Variants in SLC12A1 observed in about 807,000 individuals in gnomAD.
SLC12A1 encodes the protein Na-K-2Cl cotransporter.
Under a neutral mutation model 130.4 loss-of-function variants are expected in SLC12A1, and 89 were observed. That is an observed-to-expected ratio of 0.68 (90% CI 0.58 to 0.81). The LOEUF (loss-of-function observed/expected upper bound fraction) is 0.81. Among genes scored for constraint, SLC12A1 ranks in the 40% least tolerant of loss-of-function variants. The pLI is 0.00. For synonymous variants in SLC12A1, 499 were observed against 460.0 expected (o/e 1.08, Z -1.09); for missense variants, 1,310 against 1,336.4 (o/e 0.98, Z 0.31).
intron 24 of SLC12A1, among the ~76,000 whole-genome samples, chr15:48,292,569 G>T (rs2042132817): frequency 6.6e-6 from 1 of 152,164 alleles, no homozygotes; most frequent in African/African-American, 2.4e-5. Flanking sequence ...TGGACTGGGT[G>T]GATTAAACAA....
intron 26 of SLC12A1, 65 bp from the exon 27 acceptor site, chr15:48,302,685 C>A: frequency 1.1e-4 from 74 of 663,182 alleles, no homozygotes; most frequent in Non-Finnish European, 1.6e-4. Flanking sequence ...CTCAGAAATA[C>A]TAGTGCCGTT....
chr15:48,301,511 G>GGGGGGGGGGGA, intron 26 of SLC12A1, 129 bp downstream of exon 26: 1 of 478,136 alleles, frequency 2.1e-6, no homozygotes, highest in East Asian at 5.5e-5. Flanking sequence ...TTGGGGGGGG[G>GGGGGGGGGGGA]AACACGTGGG....
Position 48,262,517 on chromosome 15 carries a change from G to T in SLC12A1, c.2154+3206G>T, listed in dbSNP as rs149485844. 4.9e-3 allele frequency among the ~76,000 whole-genome samples: 740 copies of T among 152,192 alleles called. 8 individuals carry two copies. Among genetic ancestry groups the T allele is most frequent in the Middle Eastern group, 0.044 (13 of 294 alleles). The stretch of plus-strand genomic sequence containing the variant: ...CCCGCTGTGGCCTTCCAACTATCCA[G>T]CTAACTCTTAACACTCTCCGCAGGC... On this transcript the variant is annotated intron_variant, in intron 17 of 26. Coordinates refer to ENST00000380993, the MANE Select transcript of SLC12A1 (RefSeq NM_000338.3).
In SLC12A1 at chr15:48,285,192, C is replaced by T. The variant is rs750424494; in HGVS notation, c.2572C>T (p.Arg858Ter). The T allele has an allele frequency of 6.2e-6, 10 of 1,613,566 alleles. No individual in the cohort carries two copies. Among genetic ancestry groups the T allele is most frequent in the South Asian group, 2.2e-5 (2 of 91,060 alleles). The stretch of plus-strand genomic sequence containing the variant: ...GTGTGAAGAGGAAAGTGGAGGCATC[C>T]GAGGCTTGTTTAAAAAAGCTGGCAA... ...NECEEESGGIRGLFKKAGKLN... is the reference protein window; with the variant it reads ...NECEEESGGI Residue 858 changes from arginine (R) to a stop codon, truncating the protein, a stop_gained, in exon 21 of 27, where the codon CGA (arginine) becomes TGA (stop). Transcript: ENST00000380993. LOFTEE classifies it high-confidence loss of function.
At chr15:48,289,530 A>G (rs1473493684) in intron 23 of SLC12A1, among the ~76,000 whole-genome samples, 2 of 151,386 alleles carry the variant, frequency 1.3e-5, no homozygotes, top group African/African-American at 4.9e-5. Flanking sequence ...TTACATTCTG[A>G]GAAATGTATC....
chr15:48,228,315 T>TTTTTTC (rs1195248529), intron 5 of SLC12A1: 1 of 152,774 alleles, frequency 6.5e-6, no homozygotes, highest in Non-Finnish European at 1.5e-5. Flanking sequence ...AAGGGAGAAG[T>TTTTTTC]AATTGTTCCA....
chr15:48,250,674 C>CACACACACACACACACACACACACA lies in SLC12A1; in HGVS notation c.1787-941_1787-940insACACACACACACACACACACACACA, dbSNP rs1555383559. 4.3e-3 allele frequency among the ~76,000 whole-genome samples: 243 copies of CACACACACACACACACACACACACA among 56,142 alleles called. 3 individuals carry two copies. The highest frequency in any genetic ancestry group is 0.017 in the South Asian group (29 of 1,688). The allele number at this position is 56,142 out of a possible 152,430, so 36.8% of individuals were successfully genotyped here. On this transcript the variant is annotated intron_variant, in intron 14 of 26. Transcript: ENST00000380993. ...GATACACAAACCCAGAAAATGTCTG[C>CACACACACACACACACACACACACA]CTCACACACACACACACACACACAC...
chr15:48,290,592 C>T (rs2042108847), intron 23 of SLC12A1, among the ~76,000 whole-genome samples: 1 of 152,148 alleles, frequency 6.6e-6, no homozygotes, highest in Non-Finnish European at 1.5e-5. Context: ...ACAGCTACGA[C>T]ATCACTAGGT....
chr15:48,290,730 A>G (rs564183283), intron 23 of SLC12A1, among the ~76,000 whole-genome samples: 10 of 151,052 alleles, frequency 6.6e-5, no homozygotes, highest in Non-Finnish European at 1.5e-4. Context: ...ATATATGCAT[A>G]TATGTCTTTT....
intron 16 of SLC12A1, among the ~76,000 whole-genome samples, chr15:48,258,836 A>G (rs1439328141): frequency 6.6e-6 from 1 of 152,196 alleles, no homozygotes; most frequent in African/African-American, 2.4e-5. Flanking sequence ...GTGAATGAGA[A>G]CAGCATGGGA....
intron 23 of SLC12A1, among the ~76,000 whole-genome samples, 155 bp downstream of exon 23, chr15:48,288,671 A>G (rs1372552325): frequency 6.6e-6 from 1 of 152,176 alleles, no homozygotes; most frequent in Non-Finnish European, 1.5e-5. Flanking sequence ...TGGTCAGTAA[A>G]TTATTCGCAT....
At chr15:48,221,577 T>G (rs2041216883) in intron 4 of SLC12A1, 1 of 440,444 alleles carries the variant, frequency 2.3e-6, no homozygotes. Context: ...ACTGTTATTT[T>G]TTTCTAAATG....
intron 9 of SLC12A1, among the ~76,000 whole-genome samples, chr15:48,239,264 C>G (rs902791449): frequency 6.6e-6 from 1 of 152,098 alleles, no homozygotes; most frequent in Non-Finnish European, 1.5e-5. Flanking sequence ...ATAATCGCAG[C>G]ACTTTGGGAG....
chr15:48,214,485 A>G (rs1421030788), intron 2 of SLC12A1, among the ~76,000 whole-genome samples: 1 of 152,222 alleles, frequency 6.6e-6, no homozygotes, highest in African/African-American at 2.4e-5. Flanking sequence ...GTTTTCAGCT[A>G]TAGTAAATGC....
intron 18 of SLC12A1, 39 bp from the exon 19 acceptor site, chr15:48,269,619 A>T (rs2041870457): frequency 2.8e-6 from 3 of 1,067,770 alleles, no homozygotes; most frequent in Non-Finnish European, 4.4e-6. Context: ...GTTTCCCAGT[A>T]CGGTAAGGAT....
intron 16 of SLC12A1, among the ~76,000 whole-genome samples, chr15:48,256,825 C>G (rs1025252368): frequency 2.1e-5 from 3 of 140,346 alleles, no homozygotes; most frequent in African/African-American, 7.8e-5. Flanking sequence ...ATCCCTGGCC[C>G]CCCCCCCCAA....
intron 24 of SLC12A1, among the ~76,000 whole-genome samples, chr15:48,298,166 T>C (rs2042197442): frequency 6.6e-6 from 1 of 152,196 alleles, no homozygotes; most frequent in South Asian, 2.1e-4. Context: ...ACTTCTTGAC[T>C]TAACAGCATA....
At position 48,267,635 on chromosome 15, in the gene SLC12A1, A is replaced by G. The variant is rs770626291; in HGVS notation, c.2229A>G (p.Lys743=). The G allele has an allele frequency of 5.6e-6, 9 of 1,613,690 alleles. No homozygotes were observed. The highest frequency in any genetic ancestry group is 5.9e-6 in the Non-Finnish European group (7 of 1,179,666). ...AACAGGCCTGGCTTATAAAGAACAA[A>G]ATCAAGGCTTTTTATGCTGCAGTGG... ...AKKQAWLIKN[K]IKAFYAAVAA... is the part of the protein sequence containing the mutation. The change falls in exon 18 of 27, where the codon AAA becomes AAG. Residue 743 remains lysine (K), a synonymous_variant. Coordinates refer to ENST00000380993, the MANE Select transcript of SLC12A1 (RefSeq NM_000338.3).
intron 2 of SLC12A1, among the ~76,000 whole-genome samples, chr15:48,214,773 G>C (rs2041099129): frequency 6.9e-6 from 1 of 145,692 alleles, no homozygotes; most frequent in African/African-American, 2.7e-5. Context: ...AGGGGCTTAG[G>C]TTAGGTGGAA....
Sources: gnomAD v4.1 joint callset for allele counts (sites outside exome capture counted in the v4.1 genomes callset) on GRCh38, gnomAD v4.1.1 for gene constraint, MANE v1.5 for transcripts, NCBI Gene and HGNC (gene_info 2026-07-23, HGNC 2026-07-21) for gene names.